Variants in PPP2R2B observed in about 807,000 individuals in gnomAD.
PPP2R2B encodes the protein serine/threonine-protein phosphatase 2A 55 kDa regulatory subunit B beta isoform.
Under a neutral mutation model 46.0 loss-of-function variants are expected in PPP2R2B, and 5 were observed. That is an observed-to-expected ratio of 0.11 (90% CI 0.06 to 0.23). The LOEUF (loss-of-function observed/expected upper bound fraction) is 0.23, where lower values mean the gene tolerates loss of function less well. Ranked by LOEUF, PPP2R2B falls within the 10% of genes least tolerant of loss-of-function variation. The pLI is 1.00. For synonymous variants in PPP2R2B, 215 were observed against 206.7 expected (o/e 1.04, Z -0.34); for missense variants, 367 against 575.0 (o/e 0.64, Z 3.70).
chr5:146,635,345 T>G (rs184465584), intron 7 of PPP2R2B, among the ~76,000 whole-genome samples: 4 of 134,620 alleles, frequency 3.0e-5, no homozygotes, highest in African/African-American at 7.8e-5. Flanking sequence ...GTGTCATGGG[T>G]TTTTTTTTGT....
chr5:146,641,302 C>T (rs935835345), intron 6 of PPP2R2B, among the ~76,000 whole-genome samples: 2 of 152,162 alleles, frequency 1.3e-5, no homozygotes, highest in South Asian at 2.1e-4. Context: ...CGGGTTCTTT[C>T]TCACCATGCC....
intron 7 of PPP2R2B, among the ~76,000 whole-genome samples, chr5:146,605,051 C>A (rs1418348593): frequency 6.6e-6 from 1 of 152,162 alleles, no homozygotes. Flanking sequence ...TCCAGGCTGG[C>A]TTTTGATAAT....
chr5:146,981,891 T>C (rs906375873), intron 1 of PPP2R2B, among the ~76,000 whole-genome samples: 6 of 152,218 alleles, frequency 3.9e-5, no homozygotes, highest in Non-Finnish European at 7.3e-5. Context: ...GAACTCTGAC[T>C]CATAACCTCT....
chr5:146,810,476 G>A (rs1757461289), intron 2 of PPP2R2B, among the ~76,000 whole-genome samples: 2 of 152,254 alleles, frequency 1.3e-5, no homozygotes, highest in Middle Eastern at 3.4e-3. Flanking sequence ...GGCAATTATG[G>A]GAGCTACAAT....
intron 2 of PPP2R2B, among the ~76,000 whole-genome samples, chr5:146,789,218 G>A (rs1756037372): frequency 6.6e-6 from 1 of 152,116 alleles, no homozygotes; most frequent in South Asian, 2.1e-4. Context: ...GTGAATATGT[G>A]GGTGGAAAGG....
intron 1 of PPP2R2B, among the ~76,000 whole-genome samples, chr5:147,051,905 G>A (rs756124458): frequency 1.3e-5 from 2 of 151,584 alleles, no homozygotes; most frequent in Non-Finnish European, 2.9e-5. Context: ...TGGGACTACA[G>A]GGGCCCACCA....
chr5:146,934,909 T>G (rs1324662912), intron 1 of PPP2R2B, among the ~76,000 whole-genome samples: 1 of 152,132 alleles, frequency 6.6e-6, no homozygotes, highest in Non-Finnish European at 1.5e-5. Context: ...AGATAGAATT[T>G]GCCTTTGGTA....
chr5:146,844,823 G>A (rs549155430), intron 2 of PPP2R2B, among the ~76,000 whole-genome samples: 28 of 152,254 alleles, frequency 1.8e-4, no homozygotes. Flanking sequence ...TAACCTGTGA[G>A]GTTGCAGAAC....
At chr5:146,605,659 C>T (rs965040774) in intron 7 of PPP2R2B, among the ~76,000 whole-genome samples, 4 of 152,232 alleles carry the variant, frequency 2.6e-5, no homozygotes, top group African/African-American at 4.8e-5. Flanking sequence ...TAGATATTGC[C>T]AAATGTTCCC....
chr5:147,072,279 T>G (rs746224150), intron 2 of PPP2R2B, among the ~76,000 whole-genome samples: 1 of 152,252 alleles, frequency 6.6e-6, no homozygotes, highest in Non-Finnish European at 1.5e-5. Context: ...GACCCATATA[T>G]GTTAAAAGTA....
At chr5:147,075,252 G>A (rs1265560378) in intron 2 of PPP2R2B, among the ~76,000 whole-genome samples, 1 of 152,076 alleles carries the variant, frequency 6.6e-6, no homozygotes, top group East Asian at 1.9e-4. Context: ...TCAAATACAA[G>A]CATTGCACAC....
intron 1 of PPP2R2B, among the ~76,000 whole-genome samples, chr5:146,942,133 C>T (rs1259759432): frequency 6.6e-6 from 1 of 152,170 alleles, no homozygotes; most frequent in Admixed American, 6.6e-5. Flanking sequence ...TTTCAGATTA[C>T]ATGCGCAAAG....
intron 1 of PPP2R2B, among the ~76,000 whole-genome samples, chr5:147,020,823 A>G (rs1755227147): frequency 6.6e-6 from 1 of 152,216 alleles, no homozygotes; most frequent in Non-Finnish European, 1.5e-5. Flanking sequence ...TCTTAACTGA[A>G]AAATGAAAAC....
rs1779926315 is a variant in PPP2R2B, at chr5:146,707,342, C to T, written c.71-6200G>A. On this transcript the variant is annotated intron_variant, in intron 2 of 9. Coordinates refer to ENST00000394411, the MANE Select transcript of PPP2R2B (RefSeq NM_181675.4). ...TTGAAGGTCTTGATCTGCTCCTTCT[C>T]CTGGGTGCACACAGCATGGATGTTG... 5 of 879,374 alleles carry T rather than the reference C, an allele frequency of 5.7e-6. No homozygotes were observed. In the East Asian group the frequency reaches 1.2e-4, roughly 21 times the overall value. 54.5% of individuals were successfully genotyped at this position (879,374 alleles called of 1,614,324 possible). A position where few individuals can be genotyped will look rare whatever the true frequency, so the allele number is the denominator to read the frequency against.
chr5:146,926,506 C>T (rs2151818517), intron 1 of PPP2R2B, among the ~76,000 whole-genome samples: 1 of 152,198 alleles, frequency 6.6e-6, no homozygotes, highest in South Asian at 2.1e-4. Context: ...ATTCTCCTGC[C>T]TCAGCCTCCT....
intron 2 of PPP2R2B, among the ~76,000 whole-genome samples, chr5:147,074,321 T>A (rs1031287086): frequency 6.6e-6 from 1 of 152,162 alleles, no homozygotes; most frequent in East Asian, 1.9e-4. Context: ...AAAGCTTCTG[T>A]CCAAAAAGAC....
At chr5:146,861,082 A>T in intron 2 of PPP2R2B, among the ~76,000 whole-genome samples, 1 of 127,206 alleles carries the variant, frequency 7.9e-6, no homozygotes. Context: ...TTTGAGACTG[A>T]GTCTCCTCTG....
At chr5:146,930,853 T>C (rs1763945630) in intron 1 of PPP2R2B, among the ~76,000 whole-genome samples, 1 of 152,194 alleles carries the variant, frequency 6.6e-6, no homozygotes, top group African/African-American at 2.4e-5. Flanking sequence ...TTTCTCTTTT[T>C]GGAATGCAGA....
At chr5:147,014,385 G>A (rs1754893024) in intron 1 of PPP2R2B, among the ~76,000 whole-genome samples, 1 of 149,090 alleles carries the variant, frequency 6.7e-6, no homozygotes, top group South Asian at 2.2e-4. Flanking sequence ...CCCATTACTG[G>A]GTATATACCC....
Sources: gnomAD v4.1 joint callset for allele counts (sites outside exome capture counted in the v4.1 genomes callset) on GRCh38, gnomAD v4.1.1 for gene constraint, MANE v1.5 for transcripts, NCBI Gene and HGNC (gene_info 2026-07-23, HGNC 2026-07-21) for gene names.